Variants in NUP155 observed in about 807,000 individuals in gnomAD.
NUP155 encodes nuclear pore complex protein Nup155.
NUP155 carries 71 observed loss-of-function variants against 180.4 expected under a neutral mutation model. The ratio of observed to expected loss-of-function variants is 0.39; its 90% CI spans 0.33 to 0.48. NUP155 has a LOEUF of 0.48. NUP155 is among the 20% of genes least tolerant of loss of function. The pLI is 0.91. For missense variants in NUP155, 1,553 were observed against 1,648.9 expected, an observed-to-expected ratio of 0.94 and a Z score of 1.01; for synonymous variants, 582 against 559.5, an observed-to-expected ratio of 1.04 and a Z score of -0.57.
intron 5 of NUP155, among the ~76,000 whole-genome samples, chr5:37,352,333 G>A (rs1746518250): frequency 6.6e-6 from 1 of 151,872 alleles, no homozygotes; most frequent in African/African-American, 2.4e-5. Flanking sequence ...ACTCCAGCCC[G>A]GGCGACAGTG....
At chr5:37,366,502 G>A (rs374406943) in intron 1 of NUP155, among the ~76,000 whole-genome samples, 2 of 151,988 alleles carry the variant, frequency 1.3e-5, no homozygotes, top group Admixed American at 6.6e-5. Context: ...GCATTGGCGC[G>A]ATCTCAGCTC....
intron 9 of NUP155, among the ~76,000 whole-genome samples, chr5:37,344,060 C>T (rs1291563769): frequency 1.3e-5 from 2 of 152,010 alleles, no homozygotes; most frequent in East Asian, 3.9e-4. Context: ...TATATTACTG[C>T]TTGGTGAGGT....
intron 4 of NUP155, among the ~76,000 whole-genome samples, chr5:37,356,621 C>T (rs571003964): frequency 2.0e-5 from 3 of 152,116 alleles, no homozygotes; most frequent in Non-Finnish European, 4.4e-5. Flanking sequence ...GCCTGGGCAA[C>T]AGAGTGAGAC....
At chr5:37,323,109 C>T (rs545112275) in intron 20 of NUP155, among the ~76,000 whole-genome samples, 24 of 151,388 alleles carry the variant, frequency 1.6e-4, no homozygotes, top group Non-Finnish European at 2.5e-4. Context: ...GGTGAAACCC[C>T]GTCTCCGCTG....
At chr5:37,299,053 T>C (rs1742730991) in intron 31 of NUP155, 75 bp from the exon 32 acceptor site, 6 of 841,426 alleles carry the variant, frequency 7.1e-6, no homozygotes, top group Non-Finnish European at 1.2e-5. Context: ...TATTTAATTC[T>C]GTTTCAAGGT....
intron 25 of NUP155, among the ~76,000 whole-genome samples, chr5:37,305,862 G>A (rs1743123141): frequency 6.6e-6 from 1 of 151,800 alleles, no homozygotes; most frequent in African/African-American, 2.4e-5. Context: ...AACAGAATGA[G>A]GCCCTGTCTC....
At position 37,341,112 on chromosome 5, in the gene NUP155, T is replaced by C. The variant is rs1561798224; in HGVS notation, c.1224A>G (p.Val408=). The part of the protein sequence containing the change: ...ASSTVEKPSK[V]HRALYSKGIL... ...TACCTTTACTATAAAGAGCTCTATGTACTTTTGAAGGCTTTTCCACGGTTG... is the reference window on the plus strand; with the variant it reads ...TACCTTTACTATAAAGAGCTCTATGCACTTTTGAAGGCTTTTCCACGGTTG... Residue 408 remains valine, a synonymous_variant, in exon 11 of 35, where the codon GTA becomes GTG. Coordinates refer to ENST00000231498, the MANE Select transcript of NUP155 (RefSeq NM_153485.3). The C allele has an allele frequency of 3.1e-6, 5 of 1,613,180 alleles. No homozygotes were observed. The Admixed American group carries it at 8.3e-5, about 27-fold the overall frequency.
chr5:37,359,941 T>C (rs1230012372), intron 3 of NUP155, among the ~76,000 whole-genome samples: 1 of 151,882 alleles, frequency 6.6e-6, no homozygotes, highest in African/African-American at 2.4e-5. Flanking sequence ...AACACAATGA[T>C]ACCTGTTTCT....
intron 12 of NUP155, 72 bp downstream of exon 12, chr5:37,337,745 TA>T: frequency 1.1e-6 from 1 of 870,184 alleles, no homozygotes. Context: ...CATCAGAAGA[TA>T]AAAGTTTCTT....
At chr5:37,329,911 T>C (rs1744843178) in intron 15 of NUP155, 127 bp downstream of exon 15, 11 of 696,058 alleles carry the variant, frequency 1.6e-5, no homozygotes, top group East Asian at 2.8e-5. Flanking sequence ...CTTTTGCAAA[T>C]GAATTTTGGT....
intron 16 of NUP155, 85 bp downstream of exon 16, chr5:37,329,105 G>A: frequency 1.1e-6 from 1 of 928,496 alleles, no homozygotes. Flanking sequence ...AAAACATAAT[G>A]AAAAGGCTTA....
At chr5:37,303,156 C>A in intron 28 of NUP155, 104 bp downstream of exon 28, 1 of 1,325,418 alleles carries the variant, frequency 7.5e-7, no homozygotes, top group South Asian at 1.3e-5. Flanking sequence ...AAATTTAGGT[C>A]AGTATATTAA....
intron 12 of NUP155, among the ~76,000 whole-genome samples, chr5:37,337,528 G>GA (rs146842171): frequency 0.029 from 4,351 of 149,994 alleles, 219 homozygotes; most frequent in African/African-American, 0.1. Context: ...CATGTTTTCA[G>GA]AAAAAAAAAG....
chr5:37,310,589 G>A lies in NUP155; in HGVS notation c.2591C>T (p.Pro864Leu). Residue 864 changes from proline to leucine, a missense_variant, in exon 23 of 35, where the codon CCA becomes CTA. Pro to Leu is a moderately conservative substitution (Grantham distance 98). Transcript: ENST00000231498. ...TGCATCATCAGTGCTATATAGAAGT[G>A]GGCAGATATCCTGTAAATGTAAACT... Reference protein sequence around the residue: ...GISLHLQDICPLLYSTDDAIC... With the variant: ...GISLHLQDICLLLYSTDDAIC... The A allele has an allele frequency of 6.2e-7, 1 of 1,613,356 alleles. No homozygotes were observed. Among genetic ancestry groups the A allele is most frequent in the Non-Finnish European group, 8.5e-7 (1 of 1,179,570 alleles).
chr5:37,367,504 C>A (rs914490385), intron 1 of NUP155, among the ~76,000 whole-genome samples: 6 of 151,448 alleles, frequency 4.0e-5, no homozygotes, highest in Admixed American at 3.3e-4. Context: ...AGTAAACCAC[C>A]GAGCCCAGCC....
At chr5:37,366,956 A>C (rs1417075650) in intron 1 of NUP155, among the ~76,000 whole-genome samples, 1 of 150,854 alleles carries the variant, frequency 6.6e-6, no homozygotes, top group Non-Finnish European at 1.5e-5. Flanking sequence ...GGCCGGTCTC[A>C]ATCTCTTGAC....
chr5:37,309,038 A>G, intron 24 of NUP155, 91 bp downstream of exon 24: 1 of 1,326,490 alleles, frequency 7.5e-7, no homozygotes, highest in South Asian at 1.2e-5. Context: ...GCATCTGGAA[A>G]GTGGCTTTTC....
chr5:37,311,033 G>T (rs1743494569), intron 22 of NUP155, among the ~76,000 whole-genome samples: 1 of 152,006 alleles, frequency 6.6e-6, no homozygotes, highest in African/African-American at 2.4e-5. Flanking sequence ...GTTATAAAAT[G>T]GAAAAAACAA....
intron 21 of NUP155, among the ~76,000 whole-genome samples, chr5:37,317,163 T>C (rs983056243): frequency 1.0e-4 from 14 of 140,094 alleles, no homozygotes; most frequent in African/African-American, 3.7e-4. Flanking sequence ...AGTGAGACTC[T>C]GTCTCAAAAA....
Sources: allele counts gnomAD v4.1 joint callset (sites outside exome capture counted in the v4.1 genomes callset), GRCh38; gene constraint gnomAD v4.1.1; transcripts MANE v1.5; gene names NCBI Gene and HGNC (gene_info 2026-07-23, HGNC 2026-07-21).